Variants in NREP observed in about 807,000 individuals in gnomAD.
NREP encodes neuronal regeneration-related protein.
A neutral mutation model predicts 8.6 loss-of-function variants in NREP; 5 were observed. That is an observed-to-expected ratio of 0.58 (90% CI 0.30 to 1.22). NREP has a LOEUF of 1.22. Among genes scored for constraint, NREP ranks in the 50% most tolerant of loss-of-function variants. The pLI, the probability that NREP is intolerant of heterozygous loss-of-function variation, is 0.07. For missense variants in NREP, 86 were observed against 82.5 expected, an observed-to-expected ratio of 1.04 and a Z score of -0.17; for synonymous variants, 27 against 28.0, an observed-to-expected ratio of 0.96 and a Z score of 0.11.
At chr5:111,810,483 A>C (rs74768960) in intron 2 of NREP, among the ~76,000 whole-genome samples, 14,316 of 152,254 alleles carry the variant, frequency 0.094, 756 homozygotes, top group Non-Finnish European at 0.13. Context: ...TTCCACTTGT[A>C]CTATCATAAT....
intron 2 of NREP, among the ~76,000 whole-genome samples, chr5:111,881,226 A>G (rs1448540218): frequency 6.6e-6 from 1 of 152,190 alleles, no homozygotes; most frequent in Non-Finnish European, 1.5e-5. Flanking sequence ...CCTGATTGCT[A>G]GCACAGCAGT....
At chr5:111,752,529 G>C (rs1228966809) in intron 2 of NREP, among the ~76,000 whole-genome samples, 2 of 152,096 alleles carry the variant, frequency 1.3e-5, no homozygotes, top group Non-Finnish European at 2.9e-5. Context: ...CCCAATCTTT[G>C]TCTTTTTCTT....
At chr5:111,743,421 A>T (rs1470492062) in intron 2 of NREP, among the ~76,000 whole-genome samples, 1 of 152,180 alleles carries the variant, frequency 6.6e-6, no homozygotes, top group East Asian at 1.9e-4. Flanking sequence ...GTGGAACCAG[A>T]ATAAATATTT....
At chr5:111,895,638 T>G (rs1484653577) in intron 2 of NREP, among the ~76,000 whole-genome samples, 1 of 152,096 alleles carries the variant, frequency 6.6e-6, no homozygotes, top group Non-Finnish European at 1.5e-5. Context: ...ACCCAAGTTG[T>G]CTCAACTTGG....
chr5:111,853,215 T>C (rs1260693961), intron 2 of NREP, among the ~76,000 whole-genome samples: 1 of 152,032 alleles, frequency 6.6e-6, no homozygotes, highest in Non-Finnish European at 1.5e-5. Context: ...GAAAAATCAA[T>C]GATTTCCAGG....
intron 2 of NREP, among the ~76,000 whole-genome samples, chr5:111,919,985 C>A (rs796857520): frequency 8.1e-5 from 9 of 111,658 alleles, no homozygotes; most frequent in East Asian, 5.2e-4. Context: ...CCCCCCCCCC[C>A]ACACACACAA....
At chr5:111,880,357 C>T (rs1754022389) in intron 2 of NREP, among the ~76,000 whole-genome samples, 1 of 152,182 alleles carries the variant, frequency 6.6e-6, no homozygotes, top group Admixed American at 6.5e-5. Context: ...GACGAGGTGG[C>T]TTAAACAATA....
intron 2 of NREP, among the ~76,000 whole-genome samples, chr5:111,890,673 G>T (rs1241916225): frequency 1.3e-5 from 2 of 152,322 alleles, no homozygotes; most frequent in East Asian, 1.9e-4. Flanking sequence ...AGCTGCCAAG[G>T]TTTATGGCTT....
chr5:111,882,373 C>A (rs1026673561), intron 2 of NREP, among the ~76,000 whole-genome samples: 4 of 152,086 alleles, frequency 2.6e-5, no homozygotes, highest in African/African-American at 4.8e-5. Context: ...CTGAAAGTGA[C>A]GGGGAGAATG....
At chr5:111,771,405 G>A (rs1485194640) in intron 2 of NREP, among the ~76,000 whole-genome samples, 2 of 150,564 alleles carry the variant, frequency 1.3e-5, no homozygotes, top group Non-Finnish European at 2.9e-5. Flanking sequence ...GAACTGCCTG[G>A]TGAGAGGCTT....
At chr5:111,745,478 A>T (rs1381609380) in intron 2 of NREP, among the ~76,000 whole-genome samples, 1 of 152,182 alleles carries the variant, frequency 6.6e-6, no homozygotes, top group Non-Finnish European at 1.5e-5. Context: ...GCATCATTGC[A>T]GCTAATAACA....
At chr5:111,780,588 G>C (rs980668209) in intron 2 of NREP, among the ~76,000 whole-genome samples, 2 of 152,174 alleles carry the variant, frequency 1.3e-5, no homozygotes, top group Admixed American at 6.6e-5. Context: ...GGTGGGGAGT[G>C]TATTTCATTG....
chr5:111,813,476 G>GTTCATGCTTATATTCCAACATGCTTA (rs1752314719), intron 2 of NREP, among the ~76,000 whole-genome samples: 1 of 152,160 alleles, frequency 6.6e-6, no homozygotes, highest in Admixed American at 6.5e-5. Context: ...TAACATGCTT[G>GTTCATGCTTATATTCCAACATGCTTA]TATTCGTTCA....
At chr5:111,731,828 C>T (rs551947086) in intron 3 of NREP, 1 of 152,484 alleles carries the variant, frequency 6.6e-6, no homozygotes, top group South Asian at 2.1e-4. Context: ...ACGTGGCTTC[C>T]CGGACACACT....
At chr5:111,808,258 G>T (rs1561674753) in intron 2 of NREP, among the ~76,000 whole-genome samples, 1 of 152,184 alleles carries the variant, frequency 6.6e-6, no homozygotes, top group South Asian at 2.1e-4. Flanking sequence ...TACTCTAATT[G>T]CTTGTTTGCC....
chr5:111,840,272 C>T (rs1252066519), intron 2 of NREP, among the ~76,000 whole-genome samples: 2 of 151,896 alleles, frequency 1.3e-5, no homozygotes, highest in African/African-American at 4.8e-5. Context: ...TCTTTGTATG[C>T]TCGGGATTTT....
chr5:111,970,940 T>C (rs1323775175), intron 2 of NREP, among the ~76,000 whole-genome samples: 1 of 152,020 alleles, frequency 6.6e-6, no homozygotes, highest in Non-Finnish European at 1.5e-5. Context: ...TTTCCAAATT[T>C]AGTGTGCATC....
chr5:111,926,076 A>G (rs145770844), intron 2 of NREP, among the ~76,000 whole-genome samples: 5 of 152,278 alleles, frequency 3.3e-5, no homozygotes, highest in African/African-American at 9.6e-5. Context: ...GAAAGCCTCT[A>G]TATAACTGCT....
intron 2 of NREP, among the ~76,000 whole-genome samples, chr5:111,772,145 T>A (rs1751245885): frequency 6.6e-6 from 1 of 152,144 alleles, no homozygotes; most frequent in South Asian, 2.1e-4. Context: ...CAGCTTGAAA[T>A]GTAATTACTG....
Sources: allele counts gnomAD v4.1 joint callset (sites outside exome capture counted in the v4.1 genomes callset), GRCh38; gene constraint gnomAD v4.1.1; transcripts MANE v1.5; gene names NCBI Gene and HGNC (gene_info 2026-07-23, HGNC 2026-07-21).